Variants in SCN1A observed in about 807,000 individuals in gnomAD.
SCN1A encodes sodium channel protein type 1 subunit alpha.
A neutral mutation model predicts 193.7 loss-of-function variants in SCN1A; 13 were observed. The ratio of observed to expected loss-of-function variants is 0.07; its 90% CI spans 0.04 to 0.11. SCN1A has a LOEUF of 0.11. Among genes scored for constraint, SCN1A ranks in the 10% least tolerant of loss-of-function variants. The pLI, the probability that SCN1A is intolerant of heterozygous loss-of-function variation, is 1.00. For missense variants in SCN1A, 1,432 were observed against 2,451.1 expected, an observed-to-expected ratio of 0.58 and a Z score of 8.78; for synonymous variants, 781 against 843.6, an observed-to-expected ratio of 0.93 and a Z score of 1.29.
chr2:166,095,748 A>C (rs1301570449), intron 2 of SCN1A, among the ~76,000 whole-genome samples: 1 of 152,214 alleles, frequency 6.6e-6, no homozygotes, highest in East Asian at 1.9e-4. Context: ...TAAAGGTTTC[A>C]AGGTTATTCT....
At chr2:166,132,999 T>C (rs990801631), upstream of SCN1A, among the ~76,000 whole-genome samples, 3 of 152,194 alleles carry the variant, frequency 2.0e-5, no homozygotes, top group South Asian at 2.1e-4. Flanking sequence ...TTAGAACCAA[T>C]GTGCTTGTGG....
intron 9 of SCN1A, among the ~76,000 whole-genome samples, chr2:166,051,047 C>T (rs999238795): frequency 2.6e-5 from 4 of 151,918 alleles, no homozygotes; most frequent in African/African-American, 9.6e-5. Flanking sequence ...TTGTAGAATT[C>T]GCAAAGGGCA....
At chr2:166,123,741 T>C (rs191164578) in intron 2 of SCN1A, 22 of 152,328 alleles carry the variant, frequency 1.4e-4, no homozygotes, top group Admixed American at 1.4e-3. Context: ...TTGTTAACAT[T>C]GAATGTTTTA....
chr2:165,994,387 G>A lies in SCN1A; in HGVS notation c.4611C>T (p.Phe1537=), dbSNP rs747556687. ...GNKFQGMVFD[F]VTRQVFDISI... ...TTATGTCAAAAACTTGTCTGGTTACGAAGTCAAAGACCATTCCTTGAAATT... is the reference window on the plus strand; with the variant it reads ...TTATGTCAAAAACTTGTCTGGTTACAAAGTCAAAGACCATTCCTTGAAATT... The change falls in exon 28 of 29, where the codon TTC becomes TTT. Residue 1537 remains phenylalanine, a synonymous_variant. Coordinates refer to ENST00000674923, the MANE Select transcript of SCN1A (RefSeq NM_001165963.4). 4.3e-6 allele frequency: 7 copies of A among 1,612,676 alleles called. No individual in the cohort carries two copies. The highest frequency in any genetic ancestry group is 1.3e-5 in the African/African-American group (1 of 74,820).
chr2:166,045,014 A>T (rs778541411), intron 13 of SCN1A, 29 bp downstream of exon 13: 1 of 1,612,278 alleles, frequency 6.2e-7, no homozygotes, highest in South Asian at 1.1e-5. Flanking sequence ...ATTTTCAACC[A>T]TGCATCAGTA....
At chr2:166,140,872 C>T (rs1369232580) in intron 1 of SCN1A, among the ~76,000 whole-genome samples, 1 of 152,140 alleles carries the variant, frequency 6.6e-6, no homozygotes, top group Non-Finnish European at 1.5e-5. Context: ...TAAAACCTTG[C>T]TTCTGAAAGT....
At position 166,041,498 on chromosome 2, in the gene SCN1A, C is replaced by G. The variant is rs763828472; in HGVS notation, c.2177-29G>C. ...GATTAAGAAAAAAAAAAAAAAGAAC[C>G]ACCAAAAGGTATACTTTATACACAC... On this transcript the variant is annotated intron_variant, in intron 15 of 28. Coordinates refer to ENST00000674923, the MANE Select transcript of SCN1A (RefSeq NM_001165963.4). The G allele has an allele frequency of 9.0e-5, 115 of 1,284,484 alleles. 1 individual carries two copies. The Admixed American group carries it at 2.1e-3, about 23-fold the overall frequency. The allele number at this position is 1,284,484 out of a possible 1,614,324, so 79.6% of individuals were successfully genotyped here. A position where few individuals can be genotyped will look rare whatever the true frequency, so the allele number is the denominator to read the frequency against.
intron 19 of SCN1A, among the ~76,000 whole-genome samples, chr2:166,027,965 A>G (rs1354817595): frequency 1.3e-5 from 2 of 152,198 alleles, no homozygotes; most frequent in South Asian, 2.1e-4. Flanking sequence ...ATATTAACTC[A>G]TTAATTCCCA....
rs1692138143 is a variant in SCN1A, at chr2:166,142,707, C to A, written c.-50+6340G>T. 2.0e-5 allele frequency among the ~76,000 whole-genome samples: 3 copies of A among 152,258 alleles called. No homozygotes were observed. In the South Asian group the frequency reaches 6.2e-4, roughly 32 times the overall value. ...TTTTAGAAATCCAATTTCACTGTTT[C>A]ACTTGCTGATATGGTTTGGCCGTGT... On this transcript the variant is annotated intron_variant, in intron 1 of 26. Transcript: ENST00000635750.
intron 2 of SCN1A, among the ~76,000 whole-genome samples, chr2:166,107,932 A>G (rs1688869244): frequency 6.6e-6 from 1 of 152,148 alleles, no homozygotes; most frequent in African/African-American, 2.4e-5. Context: ...TAAGTGGTCA[A>G]AAGAGAACAT....
chr2:166,029,299 GC>G (rs1269589749), intron 19 of SCN1A, among the ~76,000 whole-genome samples: 1 of 152,110 alleles, frequency 6.6e-6, no homozygotes, highest in African/African-American at 2.4e-5. Context: ...GACTACACTA[GC>G]GAGAGGAGAC....
At chr2:166,071,334 G>A (rs1468188385) in intron 4 of SCN1A, among the ~76,000 whole-genome samples, 4 of 152,016 alleles carry the variant, frequency 2.6e-5, no homozygotes, top group Non-Finnish European at 5.9e-5. Context: ...AACTTAAATG[G>A]CAGTTATGAG....
At chr2:166,105,010 C>T (rs866686379) in intron 2 of SCN1A, among the ~76,000 whole-genome samples, 20 of 152,118 alleles carry the variant, frequency 1.3e-4, no homozygotes. Flanking sequence ...TTCAAATAAC[C>T]TCAGTGAAGT....
At chr2:165,995,599 C>T (rs1689920450) in intron 27 of SCN1A, among the ~76,000 whole-genome samples, 1 of 151,774 alleles carries the variant, frequency 6.6e-6, no homozygotes, top group Non-Finnish European at 1.5e-5. Context: ...TTATTTCACT[C>T]AACACTTCAT....
chr2:166,102,228 G>A (rs777577277), intron 2 of SCN1A, among the ~76,000 whole-genome samples: 8 of 152,220 alleles, frequency 5.3e-5, no homozygotes, highest in Non-Finnish European at 1.0e-4. Flanking sequence ...GGGGCGCGGT[G>A]ACTCGCGCCT....
intron 4 of SCN1A, among the ~76,000 whole-genome samples, chr2:166,068,343 CAG>C (rs1438316608): frequency 6.6e-6 from 1 of 152,036 alleles, no homozygotes; most frequent in African/African-American, 2.4e-5. Flanking sequence ...GTTTCTGAGA[CAG>C]AGACAGGGAG....
chr2:166,016,142 A>G (rs995087573), intron 19 of SCN1A: 3 of 227,662 alleles, frequency 1.3e-5, no homozygotes, highest in Admixed American at 1.0e-4. Context: ...TTGACTTTAC[A>G]TATTTCTTTA....
intron 1 of SCN1A, among the ~76,000 whole-genome samples, chr2:166,138,928 C>T (rs1222528698): frequency 6.6e-6 from 1 of 152,152 alleles, no homozygotes; most frequent in Non-Finnish European, 1.5e-5. Flanking sequence ...CTTGCATCAA[C>T]GTGACTTGGA....
At chr2:166,093,259 T>C (rs533046478) in intron 2 of SCN1A, among the ~76,000 whole-genome samples, 26 of 152,094 alleles carry the variant, frequency 1.7e-4, no homozygotes, top group African/African-American at 6.0e-4. Context: ...TGTGTTGATA[T>C]GTTTCTGGAC....
Sources: allele counts gnomAD v4.1 joint callset (sites outside exome capture counted in the v4.1 genomes callset), GRCh38; gene constraint gnomAD v4.1.1; transcripts MANE v1.5; gene names NCBI Gene and HGNC (gene_info 2026-07-23, HGNC 2026-07-21).